Variants in ZRANB1 observed in about 807,000 individuals in gnomAD.
ZRANB1 encodes zinc finger RANBP2-type containing 1.
A neutral mutation model predicts 80.5 loss-of-function variants in ZRANB1; 16 were observed. The observed-to-expected ratio is 0.20, with a 90% CI of 0.13 to 0.30. ZRANB1 has a LOEUF of 0.30. ZRANB1 is among the 10% of genes least tolerant of loss of function. The probability of loss-of-function intolerance (pLI) is 1.00; values close to 1 mark genes in which losing one functional copy is unlikely to be tolerated. For synonymous variants in ZRANB1, 291 were observed against 293.1 expected (o/e 0.99, Z 0.07); for missense variants, 576 against 862.6 (o/e 0.67, Z 4.16).
upstream of ZRANB1, among the ~76,000 whole-genome samples, chr10:124,941,126 A>C (rs1236226616): frequency 6.6e-6 from 1 of 152,140 alleles, no homozygotes; most frequent in African/African-American, 2.4e-5. Flanking sequence ...CCGGGTGAAA[A>C]ATAGGTGTTG....
intron 5 of ZRANB1, among the ~76,000 whole-genome samples, chr10:124,977,940 A>C: frequency 6.6e-6 from 1 of 152,136 alleles, no homozygotes; most frequent in East Asian, 1.9e-4. Flanking sequence ...GTCCCAGAAC[A>C]GCATGGTTTG....
intron 2 of ZRANB1, among the ~76,000 whole-genome samples, chr10:124,970,566 T>C (rs1951815030): frequency 6.6e-6 from 1 of 152,146 alleles, no homozygotes; most frequent in Admixed American, 6.5e-5. Context: ...CAAGCTGCAG[T>C]TTCAGAATAG....
chr10:124,942,362 T>C lies in ZRANB1; in HGVS notation c.-132T>C, dbSNP rs938295086. The C allele has an allele frequency of 3.0e-5, 44 of 1,450,734 alleles. No homozygotes were observed. Among genetic ancestry groups the C allele is most frequent in the Admixed American group, 2.2e-4 (8 of 36,188 alleles). 89.9% of individuals were successfully genotyped at this position (1,450,734 alleles called of 1,614,324 possible). A position where few individuals can be genotyped will look rare whatever the true frequency, so the allele number is the denominator to read the frequency against. ...ATGTTGCATGCATCTTTTGAGAAATTTATATTTTGTAGGTTGAAGGACTTG... is the reference window on the plus strand; with the variant it reads ...ATGTTGCATGCATCTTTTGAGAAATCTATATTTTGTAGGTTGAAGGACTTG... On this transcript the variant is annotated 5_prime_UTR_variant, in exon 1 of 9. Transcript: ENST00000359653.
intron 1 of ZRANB1, among the ~76,000 whole-genome samples, chr10:124,950,801 G>A (rs1951632828): frequency 6.6e-6 from 1 of 152,086 alleles, no homozygotes; most frequent in African/African-American, 2.4e-5. Context: ...GCAACTTGGC[G>A]AGACCTCGTC....
the ZRANB1 span, among the ~76,000 whole-genome samples, chr10:124,925,468 TG>T: frequency 6.6e-6 from 1 of 152,250 alleles, no homozygotes; most frequent in Non-Finnish European, 1.5e-5. Context: ...GGTGATTTTT[TG>T]CAAGAGTTCT....
chr10:124,925,985 T>C, the ZRANB1 span, among the ~76,000 whole-genome samples: 1 of 152,256 alleles, frequency 6.6e-6, no homozygotes, highest in Non-Finnish European at 1.5e-5. Flanking sequence ...CCATAAACGC[T>C]GTATAGCATG....
chr10:124,966,205 C>T (rs1951774214), intron 1 of ZRANB1, among the ~76,000 whole-genome samples: 1 of 152,124 alleles, frequency 6.6e-6, no homozygotes, highest in Non-Finnish European at 1.5e-5. Context: ...GCTGGAAGCA[C>T]ATCCCTGTCT....
At chr10:124,982,967 T>C (rs1168474152) in intron 6 of ZRANB1, among the ~76,000 whole-genome samples, 1 of 152,246 alleles carries the variant, frequency 6.6e-6, no homozygotes, top group African/African-American at 2.4e-5. Context: ...GTTTGGATGG[T>C]AAATGATATT....
intron 5 of ZRANB1, 134 bp from the exon 6 acceptor site, chr10:124,981,571 TTACC>T: frequency 1.2e-6 from 1 of 820,236 alleles, no homozygotes; most frequent in African/African-American, 1.8e-5. Context: ...GAAAAATACA[TTACC>T]AACCAGACAA....
At chr10:124,943,547 A>G (rs1025794) in intron 1 of ZRANB1, among the ~76,000 whole-genome samples, 1,585 of 101,232 alleles carry the variant, frequency 0.016, 17 homozygotes, top group African/African-American at 0.04. Context: ...GTGTGTGTGT[A>G]TATATATATG....
chr10:124,919,908 G>GCCCCCC, the ZRANB1 span, among the ~76,000 whole-genome samples: 9 of 56,680 alleles, frequency 1.6e-4, no homozygotes, highest in African/African-American at 5.1e-4. Context: ...ACCGCGCCCG[G>GCCCCCC]CCCCCCCCCC....
Position 124,983,345 on chromosome 10 carries a change from C to A in ZRANB1, c.1678+41C>A. 2 of 1,608,272 alleles carry A rather than the reference C, an allele frequency of 1.2e-6. No homozygotes were observed. Among genetic ancestry groups the A allele is most frequent in the Non-Finnish European group, 8.5e-7 (1 of 1,176,674 alleles). Reference sequence around the variant, plus strand: ...GGAACGTTTTACAAGTTTCTTTGAACGGAATGGCTCAGATGTCAGGAAGGA... The same window carrying A: ...GGAACGTTTTACAAGTTTCTTTGAAAGGAATGGCTCAGATGTCAGGAAGGA... On this transcript the variant is annotated intron_variant, in intron 7 of 8. Coordinates refer to ENST00000359653, the MANE Select transcript of ZRANB1 (RefSeq NM_017580.3). This position sits in a 1 kb window ranked among gnomAD's most constrained non-coding sequence, Gnocchi z 6.2.
At chr10:124,968,738 C>T (rs191770193) in intron 2 of ZRANB1, among the ~76,000 whole-genome samples, 25 of 152,174 alleles carry the variant, frequency 1.6e-4, no homozygotes, top group Admixed American at 1.6e-3. Context: ...AGGGGCTCCC[C>T]TAAAGGTAGG....
intron 5 of ZRANB1, among the ~76,000 whole-genome samples, chr10:124,977,818 T>C (rs1951892846): frequency 6.6e-6 from 1 of 151,498 alleles, no homozygotes; most frequent in African/African-American, 2.4e-5. Flanking sequence ...GGAACTAGGC[T>C]GTTTGTTTAC....
At chr10:124,954,446 G>GTT (rs1227693538) in intron 1 of ZRANB1, among the ~76,000 whole-genome samples, 145 of 123,614 alleles carry the variant, frequency 1.2e-3, no homozygotes, top group Non-Finnish European at 1.6e-3. Context: ...TACATTAAAA[G>GTT]TTTTTTTTTT....
intron 8 of ZRANB1, among the ~76,000 whole-genome samples, chr10:124,984,027 CAG>C (rs1951969683): frequency 6.6e-6 from 1 of 151,684 alleles, no homozygotes; most frequent in African/African-American, 2.4e-5. Context: ...GGGGAAGCAA[CAG>C]GGAAAGAGAG....
chr10:124,933,644 A>G, the ZRANB1 span, among the ~76,000 whole-genome samples: 2 of 152,086 alleles, frequency 1.3e-5, no homozygotes, highest in Non-Finnish European at 2.9e-5. Context: ...ATCTCTCCAT[A>G]TTTCTGAGTG....
chr10:124,923,118 C>T, the ZRANB1 span, among the ~76,000 whole-genome samples: 24 of 152,042 alleles, frequency 1.6e-4, no homozygotes, highest in Non-Finnish European at 3.1e-4. Flanking sequence ...GAAACCTCGT[C>T]TCTACTAAAA....
chr10:124,932,483 G>T, the ZRANB1 span, among the ~76,000 whole-genome samples: 6 of 152,064 alleles, frequency 3.9e-5, no homozygotes, highest in South Asian at 1.0e-3. Flanking sequence ...TAGAGATGGG[G>T]TTTTACCATG....
Sources: allele counts gnomAD v4.1 joint callset (sites outside exome capture counted in the v4.1 genomes callset), GRCh38; gene constraint gnomAD v4.1.1; non-coding constraint Gnocchi (gnomAD v3.1); transcripts MANE v1.5; gene names NCBI Gene and HGNC (gene_info 2026-07-23, HGNC 2026-07-21).